The following USP32 variants were observed in gnomAD, a reference collection of about 807,000 sequenced individuals.
USP32 encodes ubiquitin carboxyl-terminal hydrolase 32.
In USP32, 59 loss-of-function variants were observed where a neutral mutation model predicts 204.8. The ratio of observed to expected loss-of-function variants is 0.29; its 90% CI spans 0.23 to 0.36. USP32 has a LOEUF of 0.36. USP32 is among the 10% of genes least tolerant of loss of function. USP32 has a pLI of 1.00. For synonymous variants in USP32, 517 were observed against 678.4 expected (o/e 0.76, Z 3.70); for missense variants, 1,160 against 1,946.4 (o/e 0.60, Z 7.60).
intron 1 of USP32, among the ~76,000 whole-genome samples, chr17:60,416,778 T>A (rs2090065295): frequency 6.6e-6 from 1 of 152,104 alleles, no homozygotes; most frequent in Non-Finnish European, 1.5e-5. Flanking sequence ...AGTTTGGGAT[T>A]AGGGAACAGG....
intron 10 of USP32, among the ~76,000 whole-genome samples, chr17:60,252,933 C>T (rs2086205054): frequency 6.6e-6 from 1 of 152,000 alleles, no homozygotes; most frequent in African/African-American, 2.4e-5. Context: ...ATATTAATTG[C>T]ATATATTAAT....
intron 11 of USP32, among the ~76,000 whole-genome samples, chr17:60,246,036 C>A (rs572062946): frequency 1.3e-5 from 2 of 151,626 alleles, no homozygotes; most frequent in Non-Finnish European, 2.9e-5. Context: ...GGGAATATTC[C>A]GAATCTTCTA....
intron 1 of USP32, among the ~76,000 whole-genome samples, chr17:60,381,465 T>C (rs1161629282): frequency 6.6e-6 from 1 of 151,904 alleles, no homozygotes; most frequent in East Asian, 1.9e-4. Flanking sequence ...AAGGTTTTTA[T>C]CTGTCCCTTG....
chr17:60,380,307 C>T (rs2089624501), intron 1 of USP32, among the ~76,000 whole-genome samples: 2 of 152,324 alleles, frequency 1.3e-5, no homozygotes, highest in Middle Eastern at 3.4e-3. Context: ...TGGCTCACGC[C>T]TGTAATCCCA....
At chr17:60,344,184 A>T (rs2088727635) in intron 2 of USP32, among the ~76,000 whole-genome samples, 1 of 136,632 alleles carries the variant, frequency 7.3e-6, no homozygotes, top group Non-Finnish European at 1.5e-5. Context: ...GCTGGAGTGC[A>T]GTGGCACAGT....
chr17:60,368,534 G>T (rs1192364158), intron 1 of USP32, among the ~76,000 whole-genome samples: 2 of 151,596 alleles, frequency 1.3e-5, no homozygotes, highest in Non-Finnish European at 2.9e-5. Context: ...GGGGGGCGGG[G>T]GAAACGAGGG....
intron 2 of USP32, among the ~76,000 whole-genome samples, chr17:60,305,871 G>A (rs2087710123): frequency 1.3e-5 from 2 of 152,128 alleles, no homozygotes; most frequent in African/African-American, 4.8e-5. Flanking sequence ...AATTTGTTTG[G>A]AATATACTGC....
intron 15 of USP32, among the ~76,000 whole-genome samples, chr17:60,222,094 C>A (rs534026011): frequency 6.6e-6 from 1 of 152,320 alleles, no homozygotes; most frequent in East Asian, 1.9e-4. Flanking sequence ...CTCTGCATCA[C>A]GCCCTACATT....
chr17:60,334,348 GATAAA>G (rs2145974588), intron 2 of USP32, among the ~76,000 whole-genome samples: 1 of 152,196 alleles, frequency 6.6e-6, no homozygotes, highest in African/African-American at 2.4e-5. Flanking sequence ...GGTAGTACCT[GATAAA>G]ATAAACTAGT....
intron 2 of USP32, among the ~76,000 whole-genome samples, chr17:60,344,361 C>T (rs1254863855): frequency 6.6e-6 from 1 of 152,056 alleles, no homozygotes; most frequent in Non-Finnish European, 1.5e-5. Flanking sequence ...AATTCCTGAC[C>T]TCGTGATTCA....
intron 1 of USP32, among the ~76,000 whole-genome samples, chr17:60,352,655 C>G (rs961391236): frequency 6.6e-6 from 1 of 152,118 alleles, no homozygotes; most frequent in Non-Finnish European, 1.5e-5. Context: ...GGTGTCGATG[C>G]AATAAACAAG....
Position 60,207,050 on chromosome 17 carries a change from G to A in USP32, c.3008C>T (p.Pro1003Leu), listed in dbSNP as rs751141086. The change falls in exon 25 of 34, where the codon CCA becomes CTA. Residue 1003 changes from proline to leucine, a missense_variant. Pro to Leu is a moderately conservative substitution (Grantham distance 98). Coordinates refer to ENST00000300896, the MANE Select transcript of USP32 (RefSeq NM_032582.4). ...CTGTGTTGGACTAGAAGCTGAAATTGGAGACACAGGGACAGGAATTTCAAA... is the reference window on the plus strand; with the variant it reads ...CTGTGTTGGACTAGAAGCTGAAATTAGAGACACAGGGACAGGAATTTCAAA... Reference protein sequence around the residue: ...CAFEIPVPVSPISASSPTQTD... With the variant: ...CAFEIPVPVSLISASSPTQTD... 17 of 1,612,962 alleles carry A rather than the reference G, an allele frequency of 1.1e-5. No homozygotes were observed. The highest frequency in any genetic ancestry group is 4.0e-5 in the African/African-American group (3 of 74,980).
intron 1 of USP32, among the ~76,000 whole-genome samples, chr17:60,419,262 A>G (rs1462943319): frequency 6.6e-6 from 1 of 152,192 alleles, no homozygotes; most frequent in African/African-American, 2.4e-5. Flanking sequence ...CTAACATAGG[A>G]ACAGAAAACC....
intron 21 of USP32, among the ~76,000 whole-genome samples, chr17:60,210,448 A>G (rs1016374038): frequency 6.6e-6 from 1 of 152,112 alleles, no homozygotes; most frequent in Non-Finnish European, 1.5e-5. Context: ...AGTAGCTGGG[A>G]TTACAAGCAT....
At chr17:60,202,093 A>T (rs2145459875) in intron 26 of USP32, among the ~76,000 whole-genome samples, 1 of 152,298 alleles carries the variant, frequency 6.6e-6, no homozygotes, top group Non-Finnish European at 1.5e-5. Context: ...AACACCTGGA[A>T]TTGTGGTGAA....
In USP32 at chr17:60,204,154, A is replaced by T. The variant is rs2084761741; in HGVS notation, c.3249+1293T>A. Among the ~76,000 whole-genome samples the T allele has an allele frequency of 2.6e-5, 4 of 152,210 alleles. No individual in the cohort carries two copies. The South Asian group carries it at 8.3e-4, about 32-fold the overall frequency. On this transcript the variant is annotated intron_variant, in intron 26 of 33. Coordinates refer to ENST00000300896, the MANE Select transcript of USP32 (RefSeq NM_032582.4). ...AATTACGCACAACTTGATTTTCCTC[A>T]AGAACATTCTTGTATCCTCTAAGAA...
intron 16 of USP32, among the ~76,000 whole-genome samples, chr17:60,216,489 T>C (rs1417904860): frequency 1.3e-5 from 2 of 152,214 alleles, no homozygotes; most frequent in Non-Finnish European, 2.9e-5. Flanking sequence ...TCTTTCTTCC[T>C]GAAAAATGCT....
Position 60,222,396 on chromosome 17 carries a change from T to G in USP32, c.1749+13A>C. ...GACTGCTCCTTATATAAGGCACTAT[T>G]AACTATACTTACTGGTCTAGGTAAG... is the stretch of plus-strand genomic sequence containing the variant. On this transcript the variant is annotated intron_variant, in intron 15 of 33. Transcript: ENST00000300896. 6.2e-7 allele frequency: 1 copy of G among 1,612,392 alleles called. No individual in the cohort carries two copies. Among genetic ancestry groups the G allele is most frequent in the Non-Finnish European group, 8.5e-7 (1 of 1,178,964 alleles).
intron 2 of USP32, among the ~76,000 whole-genome samples, chr17:60,321,087 C>T (rs2088101743): frequency 1.3e-5 from 2 of 152,114 alleles, no homozygotes; most frequent in South Asian, 4.2e-4. Flanking sequence ...AATCGGAGAT[C>T]CAGGGAAATA....
Sources: allele counts gnomAD v4.1 joint callset (sites outside exome capture counted in the v4.1 genomes callset), GRCh38; gene constraint gnomAD v4.1.1; transcripts MANE v1.5; gene names NCBI Gene and HGNC (gene_info 2026-07-23, HGNC 2026-07-21).